The following LAPTM4B variants were observed in gnomAD, a reference collection of about 807,000 sequenced individuals.
LAPTM4B encodes lysosomal protein transmembrane 4 beta.
In LAPTM4B, 26 loss-of-function variants were observed where a neutral mutation model predicts 28.5. The ratio of observed to expected loss-of-function variants is 0.91; its 90% CI spans 0.67 to 1.27. LAPTM4B has a LOEUF of 1.27. LAPTM4B is among the 50% of genes most tolerant of loss of function. LAPTM4B has a pLI of 0.00. For synonymous variants in LAPTM4B, 109 were observed against 106.4 expected, an observed-to-expected ratio of 1.02 and a Z score of -0.15; for missense variants, 288 against 285.8, an observed-to-expected ratio of 1.01 and a Z score of -0.06.
At chr8:97,844,518 C>G (rs1817399880) in intron 6 of LAPTM4B, among the ~76,000 whole-genome samples, 1 of 152,156 alleles carries the variant, frequency 6.6e-6, no homozygotes, top group South Asian at 2.1e-4. Flanking sequence ...CATCCTAGGT[C>G]TGTAGTTTCC....
intron 1 of LAPTM4B, among the ~76,000 whole-genome samples, chr8:97,803,164 A>G (rs1586327699): frequency 6.6e-6 from 1 of 150,768 alleles, no homozygotes; most frequent in East Asian, 2.0e-4. Flanking sequence ...GTGCCACTAC[A>G]CTCCAGCCTG....
chr8:97,799,826 C>CT (rs1200063609), intron 1 of LAPTM4B, among the ~76,000 whole-genome samples: 3 of 152,138 alleles, frequency 2.0e-5, no homozygotes, highest in African/African-American at 7.2e-5. Flanking sequence ...CTAACATTTC[C>CT]TTTTATACCC....
At chr8:97,829,204 T>C (rs1817139934) in intron 6 of LAPTM4B, among the ~76,000 whole-genome samples, 1 of 152,106 alleles carries the variant, frequency 6.6e-6, no homozygotes, top group Non-Finnish European at 1.5e-5. Flanking sequence ...ATTTTCATGG[T>C]GTATAAGAAA....
intron 1 of LAPTM4B, among the ~76,000 whole-genome samples, chr8:97,777,254 C>T (rs1325709125): frequency 3.6e-5 from 5 of 140,526 alleles, no homozygotes; most frequent in African/African-American, 1.3e-4. Flanking sequence ...TCAAGCGATT[C>T]TCCTTCCTCA....
intron 4 of LAPTM4B, among the ~76,000 whole-genome samples, chr8:97,818,377 A>G (rs1297454940): frequency 6.6e-6 from 1 of 152,188 alleles, no homozygotes; most frequent in Non-Finnish European, 1.5e-5. Flanking sequence ...AAGATGAGAT[A>G]GCACAGTAGG....
chr8:97,775,804 C>G lies in LAPTM4B; in HGVS notation c.-206C>G. ...CCCCTCCCCGTCCCCGCCGCTGCAGCGGTCGCCTTCGGAGCGAAGGGTACC... is the reference window on the plus strand; with the variant it reads ...CCCCTCCCCGTCCCCGCCGCTGCAGGGGTCGCCTTCGGAGCGAAGGGTACC... On this transcript the variant is annotated 5_prime_UTR_variant, in exon 1 of 7. Coordinates refer to ENST00000521545, the MANE Select transcript of LAPTM4B (RefSeq NM_018407.6). 4.5e-6 allele frequency: 7 copies of G among 1,571,452 alleles called. No individual in the cohort carries two copies. Among genetic ancestry groups the G allele is most frequent in the African/African-American group, 1.3e-5 (1 of 74,336 alleles).
At chr8:97,778,400 C>T (rs1016239832) in intron 1 of LAPTM4B, among the ~76,000 whole-genome samples, 13 of 151,882 alleles carry the variant, frequency 8.6e-5, no homozygotes, top group African/African-American at 2.9e-4. Flanking sequence ...AATTGACTCT[C>T]CCTTAGCTAA....
chr8:97,815,524 C>G (rs537167460), intron 3 of LAPTM4B, 123 bp downstream of exon 3: 255 of 754,578 alleles, frequency 3.4e-4, no homozygotes, highest in Non-Finnish European at 2.9e-4. Context: ...TTAAATCTCT[C>G]GTTTGTATTA....
At position 97,780,595 on chromosome 8, in the gene LAPTM4B, T is replaced by C. The variant is rs142439961; in HGVS notation, c.99+4487T>C. ...TCCAAGTGTCATGTACTTTACTAGA[T>C]ACTTTGCATAAGGTTAATTTTTACA... is the stretch of plus-strand genomic sequence containing the variant. On this transcript the variant is annotated intron_variant, in intron 1 of 6. Coordinates refer to ENST00000521545, the MANE Select transcript of LAPTM4B (RefSeq NM_018407.6). 5.3e-5 allele frequency among the ~76,000 whole-genome samples: 8 copies of C among 152,294 alleles called. No individual in the cohort carries two copies. In the East Asian group the frequency reaches 1.5e-3, roughly 29 times the overall value.
chr8:97,783,604 G>A (rs1816356756), intron 1 of LAPTM4B, among the ~76,000 whole-genome samples: 1 of 151,970 alleles, frequency 6.6e-6, no homozygotes, highest in African/African-American at 2.4e-5. Flanking sequence ...AAGATTAACC[G>A]AGAGATTGAG....
chr8:97,800,574 G>A (rs1477404779), intron 1 of LAPTM4B, among the ~76,000 whole-genome samples: 2 of 136,248 alleles, frequency 1.5e-5, no homozygotes, highest in East Asian at 4.5e-4. Context: ...TCGGCTCACG[G>A]TAACCTCCGC....
chr8:97,847,274 T>C (rs921602157), intron 6 of LAPTM4B, among the ~76,000 whole-genome samples: 11 of 152,236 alleles, frequency 7.2e-5, no homozygotes, highest in African/African-American at 2.7e-4. Flanking sequence ...GATTAGAATT[T>C]GGTTGTATTA....
chr8:97,803,705 G>A (rs543524468), intron 1 of LAPTM4B, among the ~76,000 whole-genome samples: 1 of 152,318 alleles, frequency 6.6e-6, no homozygotes, highest in South Asian at 2.1e-4. Context: ...TTGGAGTGCA[G>A]TGGCGCATCA....
intron 1 of LAPTM4B, among the ~76,000 whole-genome samples, chr8:97,797,020 T>C (rs1247973040): frequency 6.6e-6 from 1 of 152,142 alleles, no homozygotes; most frequent in Non-Finnish European, 1.5e-5. Context: ...CCCAGCACTT[T>C]GGGAGGCTTC....
chr8:97,813,842 A>G (rs2513952), intron 2 of LAPTM4B, among the ~76,000 whole-genome samples: 59,961 of 152,088 alleles, frequency 0.39, 12,947 homozygotes, highest in Middle Eastern at 0.5. Context: ...GAGAAGTTGC[A>G]TGTACAATGA....
intron 1 of LAPTM4B, among the ~76,000 whole-genome samples, chr8:97,800,198 C>T (rs60416717): frequency 1.3e-5 from 2 of 152,106 alleles, no homozygotes; most frequent in African/African-American, 4.8e-5. Context: ...TCAGTAGACT[C>T]CACGGGGGAA....
At chr8:97,827,644 T>C (rs546515162) in intron 6 of LAPTM4B, among the ~76,000 whole-genome samples, 1 of 152,316 alleles carries the variant, frequency 6.6e-6, no homozygotes, top group South Asian at 2.1e-4. Flanking sequence ...CTGTGGGATC[T>C]GACACTGTTT....
At chr8:97,843,087 G>A (rs1004489216) in intron 6 of LAPTM4B, among the ~76,000 whole-genome samples, 1 of 151,122 alleles carries the variant, frequency 6.6e-6, no homozygotes. Flanking sequence ...CATTATCTTG[G>A]CCAGGCTGGT....
At chr8:97,834,144 G>GGAAAAAAAAAAAAA (rs1554593011) in intron 6 of LAPTM4B, among the ~76,000 whole-genome samples, 24 of 75,342 alleles carry the variant, frequency 3.2e-4, no homozygotes, top group African/African-American at 1.0e-3. Flanking sequence ...TGTCTCTACA[G>GGAAAAAAAAAAAAA]AAAAAAAAAA....
Sources: gnomAD v4.1 joint callset for allele counts (sites outside exome capture counted in the v4.1 genomes callset) on GRCh38, gnomAD v4.1.1 for gene constraint, MANE v1.5 for transcripts, NCBI Gene and HGNC (gene_info 2026-07-23, HGNC 2026-07-21) for gene names.